Variants in SHC3 observed in about 807,000 individuals in gnomAD.
SHC3 encodes the protein SHC-transforming protein 3.
A neutral mutation model predicts 60.4 loss-of-function variants in SHC3; 15 were observed. That is an observed-to-expected ratio of 0.25 (90% CI 0.17 to 0.38). SHC3 has a LOEUF of 0.38. SHC3 is among the 10% of genes least tolerant of loss of function. The probability of loss-of-function intolerance (pLI) is 1.00; values close to 1 mark genes in which losing one functional copy is unlikely to be tolerated. For missense variants in SHC3, 677 were observed against 786.1 expected, an observed-to-expected ratio of 0.86 and a Z score of 1.66; for synonymous variants, 294 against 325.9, an observed-to-expected ratio of 0.90 and a Z score of 1.05.
chr9:89,049,288 A>C (rs1824824859), intron 7 of SHC3, among the ~76,000 whole-genome samples: 2 of 151,818 alleles, frequency 1.3e-5, no homozygotes, highest in South Asian at 4.2e-4. Flanking sequence ...AAACAAAACA[A>C]AACAAAACCA....
chr9:89,092,054 A>G (rs1825629228), intron 2 of SHC3, among the ~76,000 whole-genome samples: 1 of 152,230 alleles, frequency 6.6e-6, no homozygotes, highest in Admixed American at 6.5e-5. Flanking sequence ...GGAAAACAAT[A>G]GCAACTATTG....
At chr9:89,168,325 C>T (rs925156051) in intron 1 of SHC3, among the ~76,000 whole-genome samples, 3 of 152,024 alleles carry the variant, frequency 2.0e-5, no homozygotes, top group Admixed American at 6.5e-5. Context: ...ATTAGCTGAG[C>T]GTGGTGATGC....
intron 11 of SHC3, among the ~76,000 whole-genome samples, chr9:89,025,455 T>C (rs1486640525): frequency 6.6e-6 from 1 of 152,196 alleles, no homozygotes; most frequent in Non-Finnish European, 1.5e-5. Flanking sequence ...GCCACAGAGC[T>C]GGGCCCACAT....
At chr9:89,102,225 T>A (rs959428354) in intron 2 of SHC3, among the ~76,000 whole-genome samples, 1 of 152,186 alleles carries the variant, frequency 6.6e-6, no homozygotes, top group Admixed American at 6.5e-5. Flanking sequence ...TTTTGATCCC[T>A]CTAACTAGCA....
chr9:89,109,607 C>T (rs1825917187), intron 2 of SHC3: 4 of 985,358 alleles, frequency 4.1e-6, no homozygotes, highest in Non-Finnish European at 3.6e-6. Context: ...AGTTGCGAAG[C>T]TGTGCTGAGA....
intron 7 of SHC3, among the ~76,000 whole-genome samples, chr9:89,047,759 G>A (rs1379220153): frequency 6.6e-6 from 1 of 152,206 alleles, no homozygotes. Flanking sequence ...TGATAAGAAC[G>A]TGGGGATATT....
intron 11 of SHC3, among the ~76,000 whole-genome samples, chr9:89,019,265 A>T (rs537108257): frequency 6.6e-6 from 1 of 152,258 alleles, no homozygotes; most frequent in African/African-American, 2.4e-5. Context: ...TATTGCTAAA[A>T]ATGTGTTGCC....
intron 6 of SHC3, among the ~76,000 whole-genome samples, chr9:89,063,510 C>T (rs931634734): frequency 1.3e-5 from 2 of 152,158 alleles, no homozygotes; most frequent in African/African-American, 2.4e-5. Flanking sequence ...CTCTGGGTCT[C>T]ATGGAACCTA....
At chr9:89,142,372 C>T (rs1171230997) in intron 1 of SHC3, among the ~76,000 whole-genome samples, 4 of 152,108 alleles carry the variant, frequency 2.6e-5, no homozygotes, top group African/African-American at 4.8e-5. Context: ...ACCAGCCTGG[C>T]CAACATGGTG....
In SHC3 at chr9:89,141,115, G is replaced by A. The variant is rs887480435; in HGVS notation, c.475-28489C>T. On this transcript the variant is annotated intron_variant, in intron 1 of 11. Coordinates refer to ENST00000375835, the MANE Select transcript of SHC3 (RefSeq NM_016848.6). ...TTGGAGGAGAAGAGAATAACAAATG[G>A]TAATGGTCATGCAGATATCAAACAA... Among the ~76,000 whole-genome samples, 162 of 152,186 alleles carry A rather than the reference G, an allele frequency of 1.1e-3. 1 individual carries two copies. Among genetic ancestry groups the A allele is most frequent in the African/African-American group, 3.7e-3 (154 of 41,540 alleles).
At chr9:89,138,938 A>G (rs1460899546) in intron 1 of SHC3, among the ~76,000 whole-genome samples, 1 of 152,178 alleles carries the variant, frequency 6.6e-6, no homozygotes, top group Non-Finnish European at 1.5e-5. Context: ...ATTAATAAGT[A>G]TTCAATTTAA....
chr9:89,008,888 T>G lies in SHC3; in HGVS notation c.*4559A>C, dbSNP rs1231484841. 6.6e-6 allele frequency: 1 copy of G among 152,362 alleles called. No homozygotes were observed. The highest frequency in any genetic ancestry group is 6.5e-5 in the Admixed American group (1 of 15,300). 9.4% of individuals were successfully genotyped at this position (152,362 alleles called of 1,614,324 possible). A position where few individuals can be genotyped will look rare whatever the true frequency, so the allele number is the denominator to read the frequency against. On this transcript the variant is annotated 3_prime_UTR_variant, in exon 12 of 12. Coordinates refer to ENST00000375835, the MANE Select transcript of SHC3 (RefSeq NM_016848.6). ...TCCTTCTCTCCCTACTTCCGGGATCTTCACTCAAATAAACTACATAACCTC... is the reference window on the plus strand; with the variant it reads ...TCCTTCTCTCCCTACTTCCGGGATCGTCACTCAAATAAACTACATAACCTC...
intron 1 of SHC3, among the ~76,000 whole-genome samples, chr9:89,116,330 C>T (rs993051506): frequency 1.3e-5 from 2 of 152,134 alleles, no homozygotes; most frequent in Non-Finnish European, 2.9e-5. Flanking sequence ...ACAAACTTTG[C>T]AGTCTGTGAC....
chr9:89,022,181 G>A (rs773053264), intron 11 of SHC3, among the ~76,000 whole-genome samples: 2 of 152,106 alleles, frequency 1.3e-5, no homozygotes, highest in African/African-American at 4.8e-5. Flanking sequence ...ACCCAGGGCA[G>A]GAACCTGAAG....
intron 1 of SHC3, among the ~76,000 whole-genome samples, chr9:89,133,690 T>C (rs897272151): frequency 2.0e-5 from 3 of 152,034 alleles, no homozygotes; most frequent in African/African-American, 7.2e-5. Context: ...ATGTTCTCAC[T>C]CATAGGTGGA....
At chr9:89,019,745 A>G (rs1379820272) in intron 11 of SHC3, among the ~76,000 whole-genome samples, 2 of 152,240 alleles carry the variant, frequency 1.3e-5, no homozygotes, top group African/African-American at 4.8e-5. Context: ...AATAAAAGAA[A>G]TCAAAGAAGA....
intron 1 of SHC3, among the ~76,000 whole-genome samples, chr9:89,120,361 A>T (rs956738165): frequency 6.6e-6 from 1 of 152,208 alleles, no homozygotes; most frequent in African/African-American, 2.4e-5. Flanking sequence ...AGTTTCTGTG[A>T]GTCATTAAGT....
intron 6 of SHC3, 127 bp downstream of exon 6, chr9:89,065,402 C>A: frequency 1.0e-6 from 1 of 1,002,028 alleles, no homozygotes; most frequent in South Asian, 1.4e-5. Context: ...CCTCATTCAT[C>A]CTTAGTAATA....
intron 2 of SHC3, among the ~76,000 whole-genome samples, chr9:89,095,177 G>C (rs975367384): frequency 6.6e-6 from 1 of 152,152 alleles, no homozygotes. Context: ...CATGTTCATG[G>C]AAGCATTATT....
Sources: allele counts gnomAD v4.1 joint callset (sites outside exome capture counted in the v4.1 genomes callset), GRCh38; gene constraint gnomAD v4.1.1; transcripts MANE v1.5; gene names NCBI Gene and HGNC (gene_info 2026-07-23, HGNC 2026-07-21).